Variants in SLC2A11 observed in about 807,000 individuals in gnomAD.
SLC2A11 encodes the protein solute carrier family 2, facilitated glucose transporter member 11.
SLC2A11 carries 43 observed loss-of-function variants against 52.1 expected under a neutral mutation model. The ratio of observed to expected loss-of-function variants is 0.82; its 90% CI spans 0.65 to 1.06. The LOEUF is 1.06. Among genes scored for constraint, SLC2A11 ranks in the 50% least tolerant of loss-of-function variants. The pLI is 0.00. For synonymous variants in SLC2A11, 261 were observed against 277.6 expected, an observed-to-expected ratio of 0.94 and a Z score of 0.59; for missense variants, 582 against 654.2, an observed-to-expected ratio of 0.89 and a Z score of 1.20.
At chr22:23,858,658 C>T (rs2031945072) in intron 1 of SLC2A11, among the ~76,000 whole-genome samples, 1 of 152,144 alleles carries the variant, frequency 6.6e-6, no homozygotes, top group African/African-American at 2.4e-5. Context: ...AGGATCTCAC[C>T]ACTGCACTCC....
rs866122090 is a variant in SLC2A11 at position 23,882,778 on chromosome 22, C to T, written c.902C>T (p.Ser301Phe). The T allele has an allele frequency of 5.0e-6, 8 of 1,613,254 alleles. No individual in the cohort carries two copies. Among genetic ancestry groups the T allele is most frequent in the Non-Finnish European group, 6.8e-6 (8 of 1,179,622 alleles). ...TCCCAGGTGTACGCCTACGCCTCCT[C>T]CGTGTTCCGGAAGGCAGGAGTGCCG... ...GNDSVYAYAS[S>F]VFRKAGVPEA... Residue 301 changes from serine to phenylalanine, a missense_variant, in exon 8 of 12, where the codon TCC (serine) becomes TTC (phenylalanine). Transcript: ENST00000316185.
intron 2 of SLC2A11, chr22:23,865,712 A>C (rs1297370739): frequency 6.6e-6 from 1 of 152,292 alleles, no homozygotes; most frequent in Non-Finnish European, 1.5e-5. Context: ...GTAACTAGAC[A>C]TCATGGAGGA....
intron 4 of SLC2A11, among the ~76,000 whole-genome samples, chr22:23,876,194 A>G (rs1000564441): frequency 2.0e-5 from 3 of 152,138 alleles, no homozygotes; most frequent in Admixed American, 1.3e-4. Flanking sequence ...TCCAGAGGTC[A>G]TACACCATTA....
At chr22:23,862,625 A>AT (rs111619634) in intron 2 of SLC2A11, among the ~76,000 whole-genome samples, 129 of 144,888 alleles carry the variant, frequency 8.9e-4, no homozygotes, top group Middle Eastern at 3.6e-3. Flanking sequence ...CTGCTCAGAA[A>AT]TTTTTTTTTT....
chr22:23,877,981 C>T (rs916890370), intron 6 of SLC2A11, 112 bp downstream of exon 6: 1 of 1,271,312 alleles, frequency 7.9e-7, no homozygotes, highest in Middle Eastern at 1.9e-4. Context: ...AGCTATCCCT[C>T]TCTTTGTGCC....
At position 23,868,584 on chromosome 22, in the gene SLC2A11, C is replaced by T. The variant is rs776326696; in HGVS notation, c.233C>T (p.Pro78Leu). ...TGGTCCCTCATCGTGTCTCTGTATC[C>T]CCTGGGAGGCCTCTTTGGAGCACTG... ...LMWSLIVSLY[P>L]LGGLFGALLA... Residue 78 changes from proline (P) to leucine (L), a missense_variant, in exon 3 of 12, where the codon CCC becomes CTC. Physicochemically the swap from Pro to Leu is moderately conservative, Grantham distance 98 (BLOSUM62 -3). Transcript: ENST00000316185. The T allele has an allele frequency of 1.9e-6, 3 of 1,614,198 alleles. No homozygotes were observed. Among genetic ancestry groups the T allele is most frequent in the Non-Finnish European group, 2.5e-6 (3 of 1,180,034 alleles).
chr22:23,860,931 C>T (rs1223522528), intron 1 of SLC2A11, among the ~76,000 whole-genome samples: 4 of 151,482 alleles, frequency 2.6e-5, no homozygotes, highest in Non-Finnish European at 5.9e-5. Flanking sequence ...CTGCTAGCTC[C>T]GCCTCCCGGG....
At chr22:23,861,290 CAAAAAAAAAAAAAA>C (rs56138210) in intron 1 of SLC2A11, among the ~76,000 whole-genome samples, 1 of 35,620 alleles carries the variant, frequency 2.8e-5, no homozygotes, top group African/African-American at 1.1e-4. Context: ...GACTCAGTCT[CAAAAAAAAAAAAAA>C]AAAAAAAAAA....
At position 23,857,883 on chromosome 22, in the gene SLC2A11, C is replaced by A; in HGVS notation, c.-117C>A. Reference sequence around the variant, plus strand: ...TGCGCGTGCGCTAGCGCCTCTTTCACCACTGGGCGCTGCGCGCTGCCCTTC... The same window carrying A: ...TGCGCGTGCGCTAGCGCCTCTTTCAACACTGGGCGCTGCGCGCTGCCCTTC... On this transcript the variant is annotated 5_prime_UTR_variant, in exon 1 of 12. Coordinates refer to ENST00000316185, the MANE Select transcript of SLC2A11 (RefSeq NM_001024939.4). The A allele has an allele frequency of 6.4e-7, 1 of 1,554,290 alleles. No individual in the cohort carries two copies. Among genetic ancestry groups the A allele is most frequent in the Non-Finnish European group, 8.7e-7 (1 of 1,151,384 alleles).
intron 2 of SLC2A11, chr22:23,866,753 C>G (rs912296193): frequency 6.6e-6 from 1 of 152,400 alleles, no homozygotes; most frequent in East Asian, 1.9e-4. Context: ...CCTGTCTCTA[C>G]AAAAAAATTT....
At chr22:23,880,648 A>G (rs1460785277) in intron 6 of SLC2A11, 1 of 152,074 alleles carries the variant, frequency 6.6e-6, no homozygotes, top group African/African-American at 2.4e-5. Context: ...TCTGGATTTG[A>G]TCTTTGCTCA....
rs201471392 is a variant in SLC2A11, at chr22:23,877,155, C to T, written c.529C>T (p.Gln177Ter). The change falls in exon 5 of 12, where the codon CAG becomes TAG. Residue 177 changes from glutamine to a stop codon, truncating the protein, a stop_gained. Transcript: ENST00000316185. LOFTEE classifies it high-confidence loss of function. ...IFTALGIVMG[Q>*]VVGLRELLGG... is the part of the protein sequence containing the mutation. The stretch of plus-strand genomic sequence containing the variant: ...TACGGCTCTGGGGATCGTGATGGGA[C>T]AGGTGGTCGGACTCAGGTAAGCACC... The T allele has an allele frequency of 8.8e-5, 142 of 1,611,656 alleles. 1 individual carries two copies. The highest frequency in any genetic ancestry group is 1.4e-5 in the Non-Finnish European group (17 of 1,178,892).
intron 6 of SLC2A11, 126 bp downstream of exon 6, chr22:23,877,995 A>G (rs1226659305): frequency 4.6e-5 from 55 of 1,194,542 alleles, no homozygotes; most frequent in Non-Finnish European, 5.7e-5. Context: ...TTGTGCCTCA[A>G]TTTCATGATC....
chr22:23,857,545 G>A, upstream of SLC2A11: 8 of 1,609,938 alleles, frequency 5.0e-6, no homozygotes, highest in Non-Finnish European at 6.8e-6. Context: ...AGCTCCCAGC[G>A]GCGGCGACAA....
At position 23,882,577 on chromosome 22, in the gene SLC2A11, G is replaced by A. The variant is rs1447289500; in HGVS notation, c.813G>A (p.Arg271=). The change falls in exon 7 of 12, where the codon CGG becomes CGA. Residue 271 remains arginine (R), a synonymous_variant. Coordinates refer to ENST00000316185, the MANE Select transcript of SLC2A11 (RefSeq NM_001024939.4). The part of the protein sequence containing the change: ...ARRPWELFQH[R]ALRRQVTSLV... ...GCCCATGGGAGCTGTTCCAGCATCG[G>A]GCCCTGAGGAGACAGGTGACAAGCC... 2 of 1,613,214 alleles carry A rather than the reference G, an allele frequency of 1.2e-6. No homozygotes were observed. Among genetic ancestry groups the A allele is most frequent in the Non-Finnish European group, 1.7e-6 (2 of 1,179,772 alleles).
chr22:23,857,073 T>TGG (rs60895711), upstream of SLC2A11: 315 of 409,478 alleles, frequency 7.7e-4, no homozygotes, highest in Middle Eastern at 2.6e-3. Context: ...TGTGTGTGTG[T>TGG]GGGGGGGGGG....
At chr22:23,857,706 G>A (rs1329823343), upstream of SLC2A11, 2 of 713,340 alleles carry the variant, frequency 2.8e-6, no homozygotes, top group Non-Finnish European at 3.4e-6. Context: ...TAGCGGCTCT[G>A]CGCTTCACTG....
intron 2 of SLC2A11, 120 bp downstream of exon 2, chr22:23,862,322 C>T (rs1301249463): frequency 4.5e-6 from 4 of 898,586 alleles, no homozygotes; most frequent in Admixed American, 2.0e-5. Flanking sequence ...AAGTTTGTCT[C>T]CATTGGGTTG....
At chr22:23,878,591 A>G (rs1331476154) in intron 6 of SLC2A11, among the ~76,000 whole-genome samples, 1 of 152,232 alleles carries the variant, frequency 6.6e-6, no homozygotes, top group Admixed American at 6.5e-5. Context: ...CGAGTCAGTC[A>G]TACTGCCAAA....
Sources: allele counts gnomAD v4.1 joint callset (sites outside exome capture counted in the v4.1 genomes callset), GRCh38; gene constraint gnomAD v4.1.1; transcripts MANE v1.5; gene names NCBI Gene and HGNC (gene_info 2026-07-23, HGNC 2026-07-21).